The following NWD1 variants were observed in gnomAD, a reference collection of about 807,000 sequenced individuals.
NWD1 encodes the protein NACHT and WD repeat domain containing 1.
Under a neutral mutation model 135.1 loss-of-function variants are expected in NWD1, and 129 were observed. The ratio of observed to expected loss-of-function variants is 0.96; its 90% CI spans 0.83 to 1.11. The LOEUF is 1.11. Among genes scored for constraint, NWD1 ranks in the 50% least tolerant of loss-of-function variants. The pLI, the probability that NWD1 is intolerant of heterozygous loss-of-function variation, is 0.00. For missense variants in NWD1, 1,740 were observed against 1,851.3 expected (o/e 0.94, Z 1.10); for synonymous variants, 773 against 786.0 (o/e 0.98, Z 0.28).
chr19:16,788,913 G>A (rs1237268825), intron 12 of NWD1, 69 bp from the exon 13 acceptor site: 8 of 1,016,654 alleles, frequency 7.9e-6, no homozygotes, highest in South Asian at 5.2e-5. Flanking sequence ...AAGCTGACAA[G>A]CATTTTAATA....
intron 8 of NWD1, 104 bp from the exon 9 acceptor site, chr19:16,763,724 T>A (rs1969106105): frequency 1.3e-6 from 1 of 751,924 alleles, no homozygotes; most frequent in Non-Finnish European, 2.4e-6. Flanking sequence ...TGCATTCTCG[T>A]CCACTCCAGC....
intron 11 of NWD1, among the ~76,000 whole-genome samples, chr19:16,775,859 G>T (rs982927813): frequency 6.6e-6 from 1 of 152,040 alleles, no homozygotes; most frequent in African/African-American, 2.4e-5. Flanking sequence ...GTAGAGACAG[G>T]GTTTCACCAT....
intron 18 of NWD1, among the ~76,000 whole-genome samples, chr19:16,809,487 T>G (rs900419340): frequency 3.3e-5 from 5 of 152,022 alleles, no homozygotes; most frequent in Admixed American, 2.6e-4. Flanking sequence ...CTGCACTGGC[T>G]TAGTGCTGCT....
At chr19:16,763,004 G>A (rs1055344153) in intron 8 of NWD1, among the ~76,000 whole-genome samples, 2 of 151,848 alleles carry the variant, frequency 1.3e-5, no homozygotes, top group Non-Finnish European at 2.9e-5. Flanking sequence ...GGCTGGTCTC[G>A]AACTCCTGAT....
At chr19:16,779,490 T>C in intron 12 of NWD1, 25 bp downstream of exon 12, 1 of 1,608,848 alleles carries the variant, frequency 6.2e-7, no homozygotes, top group East Asian at 2.2e-5. Context: ...GTGGGCTTTG[T>C]GGTCAGCTTC....
chr19:16,759,253 G>A lies in NWD1; in HGVS notation c.1798G>A (p.Asp600Asn), dbSNP rs755667098. Residue 600 changes from aspartate to asparagine, a missense_variant, in exon 7 of 19, where the codon GAT becomes AAT. Coordinates refer to ENST00000524140, the MANE Select transcript of NWD1 (RefSeq NM_001007525.5). ...CGGTCTCTCGGAGGCGGAGCTGAAGGATGTTTTGTCCCTGGACGACGAGGT... is the reference window on the plus strand; with the variant it reads ...CGGTCTCTCGGAGGCGGAGCTGAAGAATGTTTTGTCCCTGGACGACGAGGT... ...RHGLSEAELK[D>N]VLSLDDEVLQ... is the part of the protein sequence containing the mutation. The A allele has an allele frequency of 1.2e-6, 2 of 1,614,118 alleles. No homozygotes were observed.
At chr19:16,754,829 C>A (rs1338752378) in intron 6 of NWD1, among the ~76,000 whole-genome samples, 2 of 150,888 alleles carry the variant, frequency 1.3e-5, no homozygotes, top group Admixed American at 6.6e-5. Flanking sequence ...CACACATCAT[C>A]TCTATCTTCC....
At chr19:16,784,069 G>A (rs1599526541) in intron 12 of NWD1, among the ~76,000 whole-genome samples, 1 of 152,166 alleles carries the variant, frequency 6.6e-6, no homozygotes, top group South Asian at 2.1e-4. Context: ...GCTGGGCGTG[G>A]TGGTGCACAC....
At chr19:16,726,208 C>T (rs1385408748) in intron 2 of NWD1, among the ~76,000 whole-genome samples, 1 of 151,728 alleles carries the variant, frequency 6.6e-6, no homozygotes, top group Non-Finnish European at 1.5e-5. Flanking sequence ...GTGATCTGCC[C>T]ACCTCGGCCT....
At chr19:16,780,340 T>G (rs890944977) in intron 12 of NWD1, among the ~76,000 whole-genome samples, 2 of 152,064 alleles carry the variant, frequency 1.3e-5, no homozygotes, top group Non-Finnish European at 2.9e-5. Flanking sequence ...TATTTTTTAG[T>G]AGAGACGGGG....
Position 16,744,422 on chromosome 19 carries a change from C to A in NWD1, c.200C>A (p.Ala67Asp). Residue 67 changes from alanine (A) to aspartate (D), a missense_variant and splice_region_variant, in exon 5 of 19, where the codon GCC becomes GAC. Ala to Asp is a moderately radical substitution (Grantham distance 126). Transcript: ENST00000524140. ...AATCTGTGACTTCCTCTCTGCCAGG[C>A]CCTCATCGGTGATCAGTACGGCCCC... is the stretch of plus-strand genomic sequence containing the variant. ...WKTSIGPAFV[A>D]LIGDQYGPCL... The A allele has an allele frequency of 6.5e-7, 1 of 1,535,298 alleles. No homozygotes were observed. Among genetic ancestry groups the A allele is most frequent in the Non-Finnish European group, 8.7e-7 (1 of 1,146,284 alleles).
intron 2 of NWD1, among the ~76,000 whole-genome samples, chr19:16,728,840 A>T (rs1298728283): frequency 6.7e-6 from 1 of 149,230 alleles, no homozygotes; most frequent in Non-Finnish European, 1.5e-5. Flanking sequence ...GCTGCTCGGG[A>T]GGCTGAGGCA....
At chr19:16,794,398 A>G (rs1390741956) in intron 14 of NWD1, 65 bp from the exon 15 acceptor site, 1 of 889,858 alleles carries the variant, frequency 1.1e-6, no homozygotes, top group Non-Finnish European at 1.7e-6. Flanking sequence ...AAAAAATTAA[A>G]AAATTCCAGA....
intron 10 of NWD1, among the ~76,000 whole-genome samples, chr19:16,769,254 G>C (rs978170069): frequency 6.6e-6 from 1 of 152,110 alleles, no homozygotes; most frequent in Non-Finnish European, 1.5e-5. Flanking sequence ...TTGAGGTCAG[G>C]AGTTTGAGAC....
intron 6 of NWD1, among the ~76,000 whole-genome samples, chr19:16,758,156 T>A (rs1472009353): frequency 6.6e-6 from 1 of 152,206 alleles, no homozygotes; most frequent in Non-Finnish European, 1.5e-5. Context: ...GAAAGGTGCT[T>A]CACACAACTC....
chr19:16,753,799 A>G (rs1344446568), intron 6 of NWD1, among the ~76,000 whole-genome samples: 6 of 150,860 alleles, frequency 4.0e-5, no homozygotes, highest in South Asian at 2.1e-4. Flanking sequence ...CCATCCATCA[A>G]TCCCTCCCTC....
chr19:16,723,330 CT>C (rs1354453043), intron 1 of NWD1, among the ~76,000 whole-genome samples: 2 of 152,188 alleles, frequency 1.3e-5, no homozygotes, highest in Non-Finnish European at 2.9e-5. Context: ...TTGTGAATAG[CT>C]GGGACTACAG....
In NWD1 at chr19:16,807,850, C is replaced by T. The variant is rs755756403; in HGVS notation, c.4001C>T (p.Pro1334Leu). ...VLDITSGDPC[P>L]VIDGPRYTFY... ...GACATCACCTCCGGGGACCCCTGCC[C>T]GGTCATCGATGGGCCAAGATACACC... The change falls in exon 18 of 19, where the codon CCG becomes CTG. Residue 1334 changes from proline to leucine, a missense_variant. Transcript: ENST00000524140. 8.7e-6 allele frequency: 14 copies of T among 1,614,174 alleles called. No homozygotes were observed. The East Asian group carries it at 1.1e-4, about 13-fold the overall frequency.
Position 16,750,148 on chromosome 19 carries a change from G to C in NWD1, c.1506G>C (p.Gln502His). ...CCCTTTCCGGAAACCAAGGCCAGCA[G>C]ATGATCCAACTCCTGCTGGCAGCTG... is the stretch of plus-strand genomic sequence containing the variant. The part of the protein sequence containing the change: ...VKPLSGNQGQ[Q>H]MIQLLLAAAR... Residue 502 changes from glutamine to histidine, a missense_variant, in exon 6 of 19, where the codon CAG (glutamine) becomes CAC (histidine). Coordinates refer to ENST00000524140, the MANE Select transcript of NWD1 (RefSeq NM_001007525.5). 6.2e-7 allele frequency: 1 copy of C among 1,613,950 alleles called. No individual in the cohort carries two copies. The highest frequency in any genetic ancestry group is 8.5e-7 in the Non-Finnish European group (1 of 1,180,008).
Sources: gnomAD v4.1 joint callset for allele counts (sites outside exome capture counted in the v4.1 genomes callset) on GRCh38, gnomAD v4.1.1 for gene constraint, MANE v1.5 for transcripts, NCBI Gene and HGNC (gene_info 2026-07-23, HGNC 2026-07-21) for gene names.